The following TENM4 variants were observed in gnomAD, a reference collection of about 807,000 sequenced individuals.
TENM4 encodes teneurin-4.
In TENM4, 82 loss-of-function variants were observed where a neutral mutation model predicts 243.3. The observed-to-expected ratio is 0.34, with a 90% CI of 0.28 to 0.40. The LOEUF (loss-of-function observed/expected upper bound fraction) is 0.40, where lower values mean the gene tolerates loss of function less well. Among genes scored for constraint, TENM4 ranks in the 10% least tolerant of loss-of-function variants. The pLI, the probability that TENM4 is intolerant of heterozygous loss-of-function variation, is 1.00. For synonymous variants in TENM4, 1,412 were observed against 1,456.3 expected, an observed-to-expected ratio of 0.97 and a Z score of 0.69; for missense variants, 3,138 against 3,673.3, an observed-to-expected ratio of 0.85 and a Z score of 3.77.
chr11:79,289,237 C>T (rs1247581262), intron 2 of TENM4, among the ~76,000 whole-genome samples: 1 of 152,150 alleles, frequency 6.6e-6, no homozygotes, highest in East Asian at 1.9e-4. Flanking sequence ...CATCTGAATG[C>T]AGTGGTAAAG....
Position 79,035,116 on chromosome 11 carries a change from G to T in TENM4, c.493+29622C>A, listed in dbSNP as rs573089209. On this transcript the variant is annotated intron_variant, in intron 6 of 33. Coordinates refer to ENST00000278550, the MANE Select transcript of TENM4 (RefSeq NM_001098816.3). ...ACCATAATATTGCCTCTGCTGTTCT[G>T]AGCCAAGCAGTGCAGAGGACAGTCA... 3.9e-5 allele frequency among the ~76,000 whole-genome samples: 6 copies of T among 152,216 alleles called. No homozygotes were observed. In the South Asian group the frequency reaches 6.2e-4, roughly 16 times the overall value.
chr11:78,904,573 C>T (rs970738787), intron 6 of TENM4, among the ~76,000 whole-genome samples: 1 of 152,150 alleles, frequency 6.6e-6, no homozygotes, highest in African/African-American at 2.4e-5. Context: ...CTGAGCACAT[C>T]GAATGTGCCA....
chr11:78,884,120 A>C (rs1855495557), intron 9 of TENM4, among the ~76,000 whole-genome samples: 2 of 152,220 alleles, frequency 1.3e-5, no homozygotes, highest in African/African-American at 2.4e-5. Flanking sequence ...ATTTCACCCC[A>C]ACCCTGTGAA....
At chr11:79,391,438 A>T (rs1810178) in intron 1 of TENM4, among the ~76,000 whole-genome samples, 4,378 of 152,204 alleles carry the variant, frequency 0.029, 220 homozygotes, top group African/African-American at 0.1. Flanking sequence ...TGAGGTCCAC[A>T]TGTCTTTGGG....
chr11:79,248,997 C>T (rs1436542463), intron 2 of TENM4, among the ~76,000 whole-genome samples: 1 of 152,198 alleles, frequency 6.6e-6, no homozygotes, highest in Non-Finnish European at 1.5e-5. Flanking sequence ...GATGACACTA[C>T]CTGTGGGATC....
At chr11:79,262,230 C>A (rs1206920855) in intron 2 of TENM4, among the ~76,000 whole-genome samples, 1 of 152,154 alleles carries the variant, frequency 6.6e-6, no homozygotes, top group Non-Finnish European at 1.5e-5. Context: ...ATGACGCCTG[C>A]CTCACTGGGC....
Position 79,069,754 on chromosome 11 carries a change from A to G in TENM4, c.191T>C (p.Val64Ala), listed in dbSNP as rs774851616. 3 of 1,551,096 alleles carry G rather than the reference A, an allele frequency of 1.9e-6. No homozygotes were observed. Among genetic ancestry groups the G allele is most frequent in the Admixed American group, 3.9e-5 (2 of 50,992 alleles). ...LAYGSRVKDI[V>A]PQEAEEFCRT... Reference sequence around the variant, plus strand: ...GCAGAATTCCTCGGCCTCCTGCGGCACAATGTCCTTGACGCGGCTGCCATA... The same window carrying G: ...GCAGAATTCCTCGGCCTCCTGCGGCGCAATGTCCTTGACGCGGCTGCCATA... Residue 64 changes from valine to alanine, a missense_variant, in exon 5 of 34, where the codon GTG becomes GCG. Physicochemically the swap from Val to Ala is moderately conservative, Grantham distance 64 (BLOSUM62 0). Around this residue, in one of 2 missense-constraint regions of TENM4, gnomAD observed 671 missense variants for 614.1 expected, o/e 1.09. Coordinates refer to ENST00000278550, the MANE Select transcript of TENM4 (RefSeq NM_001098816.3).
intron 1 of TENM4, among the ~76,000 whole-genome samples, chr11:79,311,566 A>C (rs1429140848): frequency 1.3e-5 from 2 of 152,204 alleles, no homozygotes; most frequent in Admixed American, 1.3e-4. Flanking sequence ...CACAATATAC[A>C]GTTTTTTATG....
intron 3 of TENM4, among the ~76,000 whole-genome samples, chr11:79,184,562 G>C (rs188299897): frequency 2.0e-5 from 3 of 151,558 alleles, no homozygotes; most frequent in African/African-American, 2.4e-5. Context: ...TGGAGGTTAG[G>C]GGGGGTGGGA....
chr11:78,770,402 C>T (rs1292818221), intron 18 of TENM4, among the ~76,000 whole-genome samples: 1 of 152,156 alleles, frequency 6.6e-6, no homozygotes, highest in Admixed American at 6.5e-5. Context: ...GAATTAGAAC[C>T]CAGGTCTTCA....
chr11:79,324,728 G>C (rs1209338514), intron 1 of TENM4, among the ~76,000 whole-genome samples: 1 of 152,100 alleles, frequency 6.6e-6, no homozygotes, highest in Non-Finnish European at 1.5e-5. Flanking sequence ...CTGTTTCCCT[G>C]GAGAACCCTC....
At chr11:78,864,171 T>C (rs1436257715) in intron 9 of TENM4, among the ~76,000 whole-genome samples, 1 of 152,168 alleles carries the variant, frequency 6.6e-6, no homozygotes, top group Non-Finnish European at 1.5e-5. Context: ...ATAGAGATAC[T>C]ATGGATCGGG....
At chr11:78,803,280 C>T (rs547267110) in intron 15 of TENM4, among the ~76,000 whole-genome samples, 9 of 152,246 alleles carry the variant, frequency 5.9e-5, no homozygotes, top group Non-Finnish European at 1.2e-4. Flanking sequence ...CTACCCACCT[C>T]GGCCTCCCAA....
chr11:78,804,246 C>T (rs1857343204), intron 15 of TENM4, among the ~76,000 whole-genome samples: 1 of 152,214 alleles, frequency 6.6e-6, no homozygotes, highest in African/African-American at 2.4e-5. Flanking sequence ...GCCTTAGCTT[C>T]TTTATCAGTT....
intron 2 of TENM4, among the ~76,000 whole-genome samples, chr11:79,292,722 A>G (rs1856377561): frequency 6.6e-6 from 1 of 152,240 alleles, no homozygotes; most frequent in African/African-American, 2.4e-5. Flanking sequence ...GCTGGGTCCC[A>G]TTCCCAGCTC....
intron 4 of TENM4, among the ~76,000 whole-genome samples, chr11:79,138,349 A>ATAAATAT (rs1862158122): frequency 8.1e-6 from 1 of 124,102 alleles, no homozygotes; most frequent in African/African-American, 3.1e-5. Flanking sequence ...TAATATATAA[A>ATAAATAT]AATATATAAT....
At chr11:78,939,387 G>T (rs1417510975) in intron 6 of TENM4, among the ~76,000 whole-genome samples, 2 of 152,192 alleles carry the variant, frequency 1.3e-5, no homozygotes, top group Non-Finnish European at 2.9e-5. Context: ...TGGCCCCGAA[G>T]GCCCTTCTAG....
At chr11:79,128,416 G>GTA (rs1009988147) in intron 4 of TENM4, among the ~76,000 whole-genome samples, 1 of 152,122 alleles carries the variant, frequency 6.6e-6, no homozygotes, top group Non-Finnish European at 1.5e-5. Flanking sequence ...AAAGGAAATG[G>GTA]TATATACGTG....
chr11:78,759,228 C>A (rs772946707), intron 18 of TENM4, among the ~76,000 whole-genome samples: 1 of 152,208 alleles, frequency 6.6e-6, no homozygotes, highest in Non-Finnish European at 1.5e-5. Flanking sequence ...AAGCACCTGT[C>A]TTCTCCAGCA....
Sources: allele counts gnomAD v4.1 joint callset (sites outside exome capture counted in the v4.1 genomes callset), GRCh38; gene constraint gnomAD v4.1.1; regional missense constraint gnomAD v4.1.1; transcripts MANE v1.5; gene names NCBI Gene and HGNC (gene_info 2026-07-23, HGNC 2026-07-21).